The following PRSS3 variants were observed in gnomAD, a reference collection of about 807,000 sequenced individuals.
The protein encoded by PRSS3 is serine protease 3.
In PRSS3, 14 loss-of-function variants were observed where a neutral mutation model predicts 20.8. The ratio of observed to expected loss-of-function variants is 0.67; its 90% CI spans 0.44 to 1.05. The LOEUF is 1.05. Ranked by LOEUF, PRSS3 falls within the 50% of genes least tolerant of loss-of-function variation. PRSS3 has a pLI of 0.00. For synonymous variants in PRSS3, 91 were observed against 117.6 expected (o/e 0.77, Z 1.46); for missense variants, 237 against 306.4 (o/e 0.77, Z 1.69).
intron 1 of PRSS3, among the ~76,000 whole-genome samples, chr9:33,771,945 C>T (rs1398875079): frequency 1.3e-5 from 2 of 148,330 alleles, no homozygotes; most frequent in African/African-American, 2.5e-5. Context: ...AATCTCAGCT[C>T]ACTGTAACCT....
intron 1 of PRSS3, among the ~76,000 whole-genome samples, chr9:33,769,671 C>G (rs1322894290): frequency 6.6e-6 from 1 of 152,184 alleles, no homozygotes; most frequent in East Asian, 1.9e-4. Context: ...GTTGCTACTG[C>G]CACCTTGGGC....
rs1177561987 is a variant in PRSS3 at position 33,760,865 on chromosome 9, G to A, written c.-53+10138G>A. On this transcript the variant is annotated intron_variant, in intron 1 of 5. Transcript: ENST00000342836. ...CAGGTATTCTGACTCAGTGGCCAGT[G>A]TTCTTGTTAGATAGTGAGAAAATAG... Among the ~76,000 whole-genome samples, 4 of 152,014 alleles carry A rather than the reference G, an allele frequency of 2.6e-5. 2 individuals are homozygous for A. The Middle Eastern group carries it at 0.014, about 517-fold the overall frequency.
At chr9:33,790,080 C>T (rs549748026) in intron 1 of PRSS3, among the ~76,000 whole-genome samples, 277 of 152,230 alleles carry the variant, frequency 1.8e-3, no homozygotes, top group African/African-American at 6.5e-3. Context: ...TTACCACTAG[C>T]AATTCCTTCC....
Position 33,762,825 on chromosome 9 carries a change from G to A in PRSS3, c.-53+12098G>A, listed in dbSNP as rs114974059. Among the ~76,000 whole-genome samples the A allele has an allele frequency of 6.2e-3, 942 of 152,302 alleles. 9 individuals carry two copies. Among genetic ancestry groups the A allele is most frequent in the African/African-American group, 0.021 (874 of 41,566 alleles). On this transcript the variant is annotated intron_variant, in intron 1 of 5. Coordinates refer to the PRSS3 transcript ENST00000342836. ...CTTTAGGTCAAAATATATTCTTCCA[G>A]GAGAGAAGCCCAAGTCTCTCCCCTA... is the stretch of plus-strand genomic sequence containing the variant.
At chr9:33,797,797 A>G (rs1587404055) in intron 2 of PRSS3, 32 bp from the exon 3 acceptor site, 1 of 1,614,222 alleles carries the variant, frequency 6.2e-7, no homozygotes, top group Non-Finnish European at 8.5e-7. Context: ...GCTGTGGGAG[A>G]AGGTCTTCAC....
At chr9:33,771,645 G>GTT (rs112204565) in intron 1 of PRSS3, among the ~76,000 whole-genome samples, 3 of 78,734 alleles carry the variant, frequency 3.8e-5, no homozygotes, top group East Asian at 6.7e-4. Flanking sequence ...TTGTTTTTTT[G>GTT]TTTTTTTTTT....
At chr9:33,779,855 C>T (rs1335881788) in intron 1 of PRSS3, among the ~76,000 whole-genome samples, 6 of 102,278 alleles carry the variant, frequency 5.9e-5, no homozygotes, top group Admixed American at 1.6e-4. Context: ...GGTGACAGAG[C>T]GAGACTCTGT....
intron 1 of PRSS3, among the ~76,000 whole-genome samples, chr9:33,756,692 C>T (rs749623667): frequency 2.0e-5 from 3 of 152,104 alleles, no homozygotes; most frequent in Non-Finnish European, 2.9e-5. Flanking sequence ...CTTTTATTGG[C>T]GAGAGGTGTG....
rs1203480865 is a variant in PRSS3 at position 33,750,791 on chromosome 9, C to A, written c.-53+64C>A. On this transcript the variant is annotated intron_variant, in intron 1 of 5. Transcript: ENST00000342836. The surrounding 1 kb of genome is among the most constrained non-coding windows in gnomAD (Gnocchi z 4.8). ...GAGGGCTCGAAGGGAGAGGGAGCCCCGCCAAGGAGCGGGGCTGTGATGGAG... is the reference window on the plus strand; with the variant it reads ...GAGGGCTCGAAGGGAGAGGGAGCCCAGCCAAGGAGCGGGGCTGTGATGGAG... 4.3e-6 allele frequency: 6 copies of A among 1,408,428 alleles called. No individual in the cohort carries two copies. The East Asian group carries it at 1.7e-4, about 40-fold the overall frequency. 87.2% of individuals were successfully genotyped at this position (1,408,428 alleles called of 1,614,324 possible).
At chr9:33,791,634 G>A (rs1267341550), upstream of PRSS3, among the ~76,000 whole-genome samples, 1 of 152,154 alleles carries the variant, frequency 6.6e-6, no homozygotes, top group Non-Finnish European at 1.5e-5. Flanking sequence ...CTCTGTCCTG[G>A]CTTTCTTCTG....
intron 1 of PRSS3, among the ~76,000 whole-genome samples, chr9:33,759,193 G>A (rs1328864995): frequency 6.6e-6 from 1 of 152,248 alleles, no homozygotes; most frequent in East Asian, 1.9e-4. Flanking sequence ...ACGCTGGAGA[G>A]GAGCCACATT....
At chr9:33,780,092 C>T (rs1824117959) in intron 1 of PRSS3, among the ~76,000 whole-genome samples, 1 of 151,792 alleles carries the variant, frequency 6.6e-6, no homozygotes, top group Admixed American at 6.6e-5. Context: ...TATAAGACAA[C>T]TATCCCCAAG....
chr9:33,777,753 C>T (rs142749023), intron 1 of PRSS3, among the ~76,000 whole-genome samples: 1 of 150,254 alleles, frequency 6.7e-6, no homozygotes, highest in African/African-American at 2.4e-5. Context: ...AAAACTTCAT[C>T]ATTGTATTAT....
intron 1 of PRSS3, among the ~76,000 whole-genome samples, chr9:33,755,950 A>G (rs1487160816): frequency 6.6e-6 from 1 of 152,194 alleles, no homozygotes; most frequent in Admixed American, 6.5e-5. Context: ...ATACATACAT[A>G]CATACGCACT....
rs144630743 is a variant in PRSS3 at position 33,797,724 on chromosome 9, C to T, written c.201-105C>T. On this transcript the variant is annotated intron_variant, in intron 2 of 4. Coordinates refer to ENST00000379405, the MANE Select transcript of PRSS3 (RefSeq NM_002771.4). ...ATATGGCCACACACCCCACCCCATG[C>T]CTCCAGAGCTATCCATGAGCAGTGA... 228 of 1,603,498 alleles carry T rather than the reference C, an allele frequency of 1.4e-4. 1 individual carries two copies. In the African/African-American group the frequency reaches 2.8e-3, roughly 19 times the overall value.
intron 2 of PRSS3, 48 bp from the exon 3 acceptor site, chr9:33,797,781 G>A: frequency 1.2e-6 from 2 of 1,614,078 alleles, no homozygotes; most frequent in Non-Finnish European, 1.7e-6. Context: ...TGGGAGGGGT[G>A]CCCAGGCTGT....
intron 1 of PRSS3, among the ~76,000 whole-genome samples, chr9:33,786,985 A>G (rs1212163045): frequency 1.3e-5 from 2 of 152,172 alleles, no homozygotes; most frequent in Non-Finnish European, 2.9e-5. Context: ...GTAGGTGGGC[A>G]TGGGTATGAA....
At chr9:33,784,139 T>C (rs1241759521) in intron 1 of PRSS3, among the ~76,000 whole-genome samples, 5 of 152,194 alleles carry the variant, frequency 3.3e-5, no homozygotes, top group African/African-American at 1.2e-4. Flanking sequence ...TAGAGACTAC[T>C]GCAGTTTGAA....
chr9:33,760,376 T>A (rs1182532327), intron 1 of PRSS3, among the ~76,000 whole-genome samples: 1 of 152,076 alleles, frequency 6.6e-6, no homozygotes, highest in Non-Finnish European at 1.5e-5. Context: ...TATGATGTAT[T>A]AATGAGGAGC....
Sources: gnomAD v4.1 joint callset for allele counts (sites outside exome capture counted in the v4.1 genomes callset) on GRCh38, gnomAD v4.1.1 for gene constraint, Gnocchi (gnomAD v3.1) non-coding constraint, MANE v1.5 for transcripts, NCBI Gene and HGNC (gene_info 2026-07-23, HGNC 2026-07-21) for gene names.